The following TMEFF2 variants were observed in gnomAD, a reference collection of about 807,000 sequenced individuals.
TMEFF2 encodes tomoregulin-2.
TMEFF2 carries 28 observed loss-of-function variants against 53.8 expected under a neutral mutation model. The ratio of observed to expected loss-of-function variants is 0.52; its 90% CI spans 0.39 to 0.71. The LOEUF is 0.71. Ranked by LOEUF, TMEFF2 falls within the 30% of genes least tolerant of loss-of-function variation. TMEFF2 has a pLI of 0.00. For synonymous variants in TMEFF2, 162 were observed against 166.3 expected (o/e 0.97, Z 0.20); for missense variants, 353 against 455.2 (o/e 0.78, Z 2.04).
chr2:192,060,799 A>G (rs1425676750), intron 4 of TMEFF2, among the ~76,000 whole-genome samples: 1 of 152,190 alleles, frequency 6.6e-6, no homozygotes, highest in Non-Finnish European at 1.5e-5. Flanking sequence ...TATCTTAACC[A>G]TGCATTTATA....
chr2:192,078,343 A>G (rs1688480801), intron 4 of TMEFF2, among the ~76,000 whole-genome samples: 1 of 152,192 alleles, frequency 6.6e-6, no homozygotes, highest in Non-Finnish European at 1.5e-5. Flanking sequence ...CTTTCAATAA[A>G]TAGTAGAAAT....
At chr2:192,013,734 A>C (rs957706904) in intron 5 of TMEFF2, among the ~76,000 whole-genome samples, 6 of 152,158 alleles carry the variant, frequency 3.9e-5, no homozygotes, top group Admixed American at 6.5e-5. Flanking sequence ...TACAGGCATG[A>C]ACCACTGCAC....
chr2:192,017,291 G>T (rs1477289001), intron 5 of TMEFF2, among the ~76,000 whole-genome samples: 1 of 152,146 alleles, frequency 6.6e-6, no homozygotes, highest in African/African-American at 2.4e-5. Context: ...GTAGGTGTAT[G>T]AACTGCTAAG....
At chr2:192,181,221 C>G (rs1217410143) in intron 3 of TMEFF2, among the ~76,000 whole-genome samples, 1 of 151,694 alleles carries the variant, frequency 6.6e-6, no homozygotes, top group Non-Finnish European at 1.5e-5. Context: ...TTTTTGTATA[C>G]TTTCACAGAC....
chr2:192,075,314 T>TATATATATATATATATATAA, intron 4 of TMEFF2, among the ~76,000 whole-genome samples: 1 of 79,872 alleles, frequency 1.3e-5, no homozygotes, highest in East Asian at 2.7e-4. Context: ...TATATATATA[T>TATATATATATATATATATAA]ATATATATAT....
At chr2:191,978,450 C>G (rs565070020) in intron 7 of TMEFF2, among the ~76,000 whole-genome samples, 1 of 151,552 alleles carries the variant, frequency 6.6e-6, no homozygotes, top group African/African-American at 2.4e-5. Flanking sequence ...GCCAAGCATT[C>G]AGCCCTATTA....
At position 192,188,150 on chromosome 2, in the gene TMEFF2, A is replaced by G. The variant is rs554479775; in HGVS notation, c.283-3667T>C. On this transcript the variant is annotated intron_variant, in intron 2 of 9. Coordinates refer to ENST00000272771, the MANE Select transcript of TMEFF2 (RefSeq NM_016192.4). ...CCAATCCTTTGGCCATTCCATAAGT[A>G]ATTTTTACTTTTCTGTGATTTATAT... 3.9e-5 allele frequency among the ~76,000 whole-genome samples: 6 copies of G among 152,326 alleles called. No homozygotes were observed. The South Asian group carries it at 8.3e-4, about 21-fold the overall frequency.
intron 4 of TMEFF2, among the ~76,000 whole-genome samples, chr2:192,158,402 C>A (rs565619113): frequency 6.6e-6 from 1 of 151,926 alleles, no homozygotes; most frequent in Non-Finnish European, 1.5e-5. Context: ...CTGATGCTAG[C>A]CAAGCATTTT....
At chr2:192,059,976 C>A (rs1394323443) in intron 4 of TMEFF2, among the ~76,000 whole-genome samples, 1 of 151,594 alleles carries the variant, frequency 6.6e-6, no homozygotes, top group Non-Finnish European at 1.5e-5. Context: ...CGGTGCACAA[C>A]TTTCATTTAA....
At chr2:191,954,901 TATC>T (rs1692017112) in intron 8 of TMEFF2, among the ~76,000 whole-genome samples, 1 of 152,220 alleles carries the variant, frequency 6.6e-6, no homozygotes, top group Non-Finnish European at 1.5e-5. Flanking sequence ...AGGATCAACA[TATC>T]ATTGATTTTG....
At chr2:192,143,968 G>C (rs922257754) in intron 4 of TMEFF2, among the ~76,000 whole-genome samples, 1 of 152,020 alleles carries the variant, frequency 6.6e-6, no homozygotes, top group African/African-American at 2.4e-5. Flanking sequence ...CCATTTATTA[G>C]CTATGTGTTC....
chr2:191,993,559 C>T (rs1318652323), intron 7 of TMEFF2, among the ~76,000 whole-genome samples: 1 of 151,936 alleles, frequency 6.6e-6, no homozygotes, highest in African/African-American at 2.4e-5. Flanking sequence ...TACTATAATC[C>T]AGCATAGTCT....
chr2:192,079,438 A>G (rs1330575697), intron 4 of TMEFF2, among the ~76,000 whole-genome samples: 1 of 152,184 alleles, frequency 6.6e-6, no homozygotes, highest in Non-Finnish European at 1.5e-5. Flanking sequence ...CATTTGTTAC[A>G]ATGACTATTT....
At chr2:192,043,626 C>T (rs1250849235) in intron 5 of TMEFF2, 1 of 152,198 alleles carries the variant, frequency 6.6e-6, no homozygotes, top group African/African-American at 2.4e-5. Flanking sequence ...TCCAGTGGGT[C>T]CCTGAACCTA....
At chr2:192,042,198 C>T (rs1166619599) in intron 5 of TMEFF2, among the ~76,000 whole-genome samples, 1 of 145,654 alleles carries the variant, frequency 6.9e-6, no homozygotes, top group African/African-American at 2.5e-5. Context: ...GAGACTCTGT[C>T]TCAAAAAAAA....
intron 2 of TMEFF2, among the ~76,000 whole-genome samples, chr2:192,191,610 G>T (rs1691462276): frequency 6.6e-6 from 1 of 152,080 alleles, no homozygotes; most frequent in Non-Finnish European, 1.5e-5. Flanking sequence ...TGCTAGAAGG[G>T]TCAGAGAAAC....
chr2:192,133,108 C>T (rs1180843453), intron 4 of TMEFF2, among the ~76,000 whole-genome samples: 1 of 151,492 alleles, frequency 6.6e-6, no homozygotes, highest in Non-Finnish European at 1.5e-5. Context: ...AACTCTGGTA[C>T]CAACTTAGAC....
chr2:191,958,518 CCCCATA>C (rs1447881051), intron 7 of TMEFF2, among the ~76,000 whole-genome samples: 1 of 152,178 alleles, frequency 6.6e-6, no homozygotes, highest in Admixed American at 6.5e-5. Flanking sequence ...CTGTACCTCA[CCCCATA>C]CTGACAGTTT....
At chr2:192,118,714 A>G (rs1689476126) in intron 4 of TMEFF2, among the ~76,000 whole-genome samples, 1 of 152,190 alleles carries the variant, frequency 6.6e-6, no homozygotes, top group African/African-American at 2.4e-5. Context: ...TTCTTTGTAC[A>G]GCAGATGTAA....
Sources: allele counts gnomAD v4.1 joint callset (sites outside exome capture counted in the v4.1 genomes callset), GRCh38; gene constraint gnomAD v4.1.1; transcripts MANE v1.5; gene names NCBI Gene and HGNC (gene_info 2026-07-23, HGNC 2026-07-21).